Variants in NCKAP1 observed in about 807,000 individuals in gnomAD.
NCKAP1 encodes the protein nck-associated protein 1.
A neutral mutation model predicts 151.2 loss-of-function variants in NCKAP1; 21 were observed. The observed-to-expected ratio is 0.14, with a 90% CI of 0.10 to 0.20. The LOEUF is 0.20. Ranked by LOEUF, NCKAP1 falls within the 10% of genes least tolerant of loss-of-function variation. The pLI is 1.00. For missense variants in NCKAP1, 933 were observed against 1,352.1 expected (o/e 0.69, Z 4.86); for synonymous variants, 484 against 451.8 (o/e 1.07, Z -0.90).
intron 11 of NCKAP1, 39 bp downstream of exon 11, chr2:182,983,247 A>G (rs1697978083): frequency 6.8e-7 from 1 of 1,475,586 alleles, no homozygotes; most frequent in Non-Finnish European, 9.3e-7. Context: ...TAAAATTTTA[A>G]TATGGCACAA....
In NCKAP1 at chr2:182,968,290, A is replaced by G. The variant is rs566440400; in HGVS notation, c.1483-929T>C. Among the ~76,000 whole-genome samples the G allele has an allele frequency of 5.3e-5, 8 of 152,330 alleles. No individual in the cohort carries two copies. In the South Asian group the frequency reaches 1.5e-3, roughly 28 times the overall value. On this transcript the variant is annotated intron_variant, in intron 15 of 30. Coordinates refer to ENST00000361354, the MANE Select transcript of NCKAP1 (RefSeq NM_013436.5). ...AGTAGTGGCAATAAGACGGCATTAC[A>G]ATGGTCTGGTTTTGAGTAATGGTAG...
intron 30 of NCKAP1, 93 bp downstream of exon 30, chr2:182,926,722 CA>C: frequency 2.7e-5 from 22 of 825,588 alleles, no homozygotes; most frequent in Middle Eastern, 3.6e-4. Context: ...CAAAAGGGAT[CA>C]AAAAAAGTAT....
At chr2:182,926,725 A>G in intron 30 of NCKAP1, 91 bp downstream of exon 30, 6 of 876,602 alleles carry the variant, frequency 6.8e-6, no homozygotes, top group Non-Finnish European at 1.1e-5. Context: ...AAGGGATCAA[A>G]AAAAGTATTC....
chr2:182,929,930 A>C (rs1696726965), intron 27 of NCKAP1, among the ~76,000 whole-genome samples: 1 of 152,032 alleles, frequency 6.6e-6, no homozygotes, highest in Non-Finnish European at 1.5e-5. Flanking sequence ...GGTCTTAAAA[A>C]TTTCTAAATG....
Position 182,917,062 on chromosome 2 carries a change from C to A in NCKAP1, c.*8640G>T, listed in dbSNP as rs575605488. On this transcript the variant is annotated 3_prime_UTR_variant, in exon 31 of 31. Coordinates refer to ENST00000361354, the MANE Select transcript of NCKAP1 (RefSeq NM_013436.5). The stretch of plus-strand genomic sequence containing the variant: ...ACTGGAGAAACTACCACCATTTACA[C>A]TGAATGCCTACTTTGTGGTAGCCTC... 1 of 152,318 alleles carries A rather than the reference C, an allele frequency of 6.6e-6. No homozygotes were observed. The highest frequency in any genetic ancestry group is 2.4e-5 in the African/African-American group (1 of 41,572). The allele number at this position is 152,318 out of a possible 1,614,324, so 9.4% of individuals were successfully genotyped here. A position where few individuals can be genotyped will look rare whatever the true frequency, so the allele number is the denominator to read the frequency against.
At chr2:182,963,146 G>A (rs947181007) in intron 17 of NCKAP1, among the ~76,000 whole-genome samples, 6 of 151,570 alleles carry the variant, frequency 4.0e-5, no homozygotes, top group East Asian at 1.9e-4. Flanking sequence ...TATATCTAAC[G>A]TATTTTATTT....
Position 182,925,691 on chromosome 2 carries a change from A to C in NCKAP1, c.*11T>G. ...CAAAAATGCGTGCTTATCTTGATTA[A>C]GTAGGTAATTTTATGCAGAAGATGT... On this transcript the variant is annotated 3_prime_UTR_variant, in exon 31 of 31. Coordinates refer to ENST00000361354, the MANE Select transcript of NCKAP1 (RefSeq NM_013436.5). The C allele has an allele frequency of 6.8e-7, 1 of 1,475,458 alleles. No homozygotes were observed. The highest frequency in any genetic ancestry group is 9.2e-7 in the Non-Finnish European group (1 of 1,087,466). 91.4% of individuals were successfully genotyped at this position (1,475,458 alleles called of 1,614,324 possible). A position where few individuals can be genotyped will look rare whatever the true frequency, so the allele number is the denominator to read the frequency against.
intron 20 of NCKAP1, among the ~76,000 whole-genome samples, chr2:182,954,879 G>A (rs1697293192): frequency 1.3e-5 from 2 of 151,982 alleles, no homozygotes; most frequent in South Asian, 4.2e-4. Context: ...CTAAGTAGAT[G>A]TTTGGTTAAA....
At position 182,925,185 on chromosome 2, in the gene NCKAP1, T is replaced by C. The variant is rs1575008401; in HGVS notation, c.*517A>G. 6.6e-6 allele frequency: 1 copy of C among 152,172 alleles called. No homozygotes were observed. The highest frequency in any genetic ancestry group is 1.9e-4 in the East Asian group (1 of 5,204). 9.4% of individuals were successfully genotyped at this position (152,172 alleles called of 1,614,324 possible). A position where few individuals can be genotyped will look rare whatever the true frequency, so the allele number is the denominator to read the frequency against. ...GCAGTTCTTTAACATTTTTAAATGTTATACAGTGTTACAGTATTTAGTTTG... is the reference window on the plus strand; with the variant it reads ...GCAGTTCTTTAACATTTTTAAATGTCATACAGTGTTACAGTATTTAGTTTG... On this transcript the variant is annotated 3_prime_UTR_variant, in exon 31 of 31. Transcript: ENST00000361354.
intron 2 of NCKAP1, among the ~76,000 whole-genome samples, chr2:183,010,101 G>GCAAA (rs1173515183): frequency 1.3e-5 from 2 of 152,098 alleles, no homozygotes; most frequent in Non-Finnish European, 2.9e-5. Context: ...GAAAGGCAAA[G>GCAAA]AAAAAAACTT....
At position 182,914,004 on chromosome 2, in the gene NCKAP1, T is replaced by C. The variant is rs1465681473; in HGVS notation, c.*11698A>G. 6.6e-6 allele frequency: 1 copy of C among 152,214 alleles called. No individual in the cohort carries two copies. The highest frequency in any genetic ancestry group is 1.5e-5 in the Non-Finnish European group (1 of 68,056). 9.4% of individuals were successfully genotyped at this position (152,214 alleles called of 1,614,324 possible). ...ATAAGAACCCACCATTTACAAGCTA[T>C]TGGACTAACTCCCCTTGGATCAGTT... On this transcript the variant is annotated 3_prime_UTR_variant, in exon 31 of 31. Transcript: ENST00000361354.
chr2:182,938,079 T>C (rs886519205), intron 24 of NCKAP1, among the ~76,000 whole-genome samples: 2 of 152,206 alleles, frequency 1.3e-5, no homozygotes, highest in African/African-American at 4.8e-5. Context: ...TCAGCAGGTC[T>C]GAGGTGGGGC....
At chr2:182,930,949 A>T (rs184647630) in intron 26 of NCKAP1, among the ~76,000 whole-genome samples, 161 bp from the exon 27 acceptor site, 27 of 152,234 alleles carry the variant, frequency 1.8e-4, no homozygotes, top group Admixed American at 1.6e-3. Context: ...AACTGATTCA[A>T]TGTAGGTTGA....
chr2:182,990,174 A>G (rs537745570), intron 8 of NCKAP1, among the ~76,000 whole-genome samples: 2 of 152,118 alleles, frequency 1.3e-5, no homozygotes, highest in East Asian at 3.9e-4. Context: ...TATCCTGTGT[A>G]GTAGACAAGA....
rs1321007001 is a variant in NCKAP1, at chr2:182,947,609, T to C, written c.2601+4796A>G. 2.0e-5 allele frequency among the ~76,000 whole-genome samples: 3 copies of C among 152,200 alleles called. No individual in the cohort carries two copies. In the East Asian group the frequency reaches 5.8e-4, roughly 29 times the overall value. On this transcript the variant is annotated intron_variant, in intron 23 of 30. Transcript: ENST00000361354. Reference sequence around the variant, plus strand: ...GAAGATTATTTTATAGAGATATATATATATCTCCAGCTTTTTAAGTTGTTC... The same window carrying C: ...GAAGATTATTTTATAGAGATATATACATATCTCCAGCTTTTTAAGTTGTTC...
chr2:182,998,008 G>A (rs1421567829), intron 6 of NCKAP1, among the ~76,000 whole-genome samples: 1 of 152,208 alleles, frequency 6.6e-6, no homozygotes, highest in East Asian at 1.9e-4. Context: ...TTCCTGGGAT[G>A]CAAGGTTGGT....
Position 182,925,437 on chromosome 2 carries a change from A to T in NCKAP1, c.*265T>A, listed in dbSNP as rs1464075600. 1 of 203,196 alleles carries T rather than the reference A, an allele frequency of 4.9e-6. No individual in the cohort carries two copies. The highest frequency in any genetic ancestry group is 1.0e-5 in the Non-Finnish European group (1 of 100,334). 12.6% of individuals were successfully genotyped at this position (203,196 alleles called of 1,614,324 possible). ...TTTTTCATTATCAAATATCAAAAAC[A>T]TGTTGATAATGTATGTTTTTCAAAT... On this transcript the variant is annotated 3_prime_UTR_variant, in exon 31 of 31. Transcript: ENST00000361354.
At chr2:183,024,875 T>C (rs780748709) in intron 1 of NCKAP1, 1 of 1,320,464 alleles carries the variant, frequency 7.6e-7, no homozygotes, top group Non-Finnish European at 1.1e-6. Flanking sequence ...TTTCCATTGT[T>C]TACTATGGCT....
Position 182,944,480 on chromosome 2 carries a change from C to T in NCKAP1, c.2602-2317G>A, listed in dbSNP as rs558938398. Among the ~76,000 whole-genome samples, 63 of 152,144 alleles carry T rather than the reference C, an allele frequency of 4.1e-4. No homozygotes were observed. In the South Asian group the frequency reaches 0.012, roughly 30 times the overall value. ...AGACTGGAAGGAGAAATGGACTCAACGCGCACAACCCCAAATAAAACACCC... is the reference window on the plus strand; with the variant it reads ...AGACTGGAAGGAGAAATGGACTCAATGCGCACAACCCCAAATAAAACACCC... On this transcript the variant is annotated intron_variant, in intron 23 of 30. Coordinates refer to ENST00000361354, the MANE Select transcript of NCKAP1 (RefSeq NM_013436.5).
Sources: gnomAD v4.1 joint callset for allele counts (sites outside exome capture counted in the v4.1 genomes callset) on GRCh38, gnomAD v4.1.1 for gene constraint, MANE v1.5 for transcripts, NCBI Gene and HGNC (gene_info 2026-07-23, HGNC 2026-07-21) for gene names.